Variants in MLXIPL observed in about 807,000 individuals in gnomAD.
MLXIPL encodes the protein MLX interacting protein like.
MLXIPL carries 49 observed loss-of-function variants against 81.5 expected under a neutral mutation model. The observed-to-expected ratio is 0.60, with a 90% CI of 0.48 to 0.76. The LOEUF (loss-of-function observed/expected upper bound fraction) is 0.76. MLXIPL is among the 30% of genes least tolerant of loss of function. The probability of loss-of-function intolerance (pLI) is 0.00; values close to 1 mark genes in which losing one functional copy is unlikely to be tolerated. For missense variants in MLXIPL, 1,053 were observed against 1,167.0 expected (o/e 0.90, Z 1.42); for synonymous variants, 466 against 485.5 (o/e 0.96, Z 0.53).
chr7:73,643,131 T>C, the MLXIPL span, among the ~76,000 whole-genome samples: 11 of 152,198 alleles, frequency 7.2e-5, no homozygotes, highest in Non-Finnish European at 1.5e-4. Context: ...GTGTATTTGC[T>C]ATTGAGTCTC....
chr7:73,599,219 G>A (rs1174404136), intron 8 of MLXIPL, among the ~76,000 whole-genome samples: 4 of 151,534 alleles, frequency 2.6e-5, no homozygotes, highest in Non-Finnish European at 5.9e-5. Context: ...AGTCCCTTCT[G>A]TCCAAAGCTG....
Position 73,597,255 on chromosome 7 carries a change from T to C in MLXIPL, c.1530A>G (p.Leu510=), listed in dbSNP as rs781801078. The C allele has an allele frequency of 6.3e-7, 1 of 1,590,936 alleles. No homozygotes were observed. The highest frequency in any genetic ancestry group is 1.7e-5 in the Admixed American group (1 of 58,060). Residue 510 remains leucine, a synonymous_variant, in exon 9 of 17, where the codon TTA becomes TTG. Coordinates refer to ENST00000313375, the MANE Select transcript of MLXIPL (RefSeq NM_032951.3). ...TGGGGGGACTGGCAGTGGCAGGGGC[T>C]AAGGTAGGGGGGCTGGCTTTCTGTC... is the stretch of plus-strand genomic sequence containing the variant. ...PRGQKASPPT[L]APATASPPTT...
At chr7:73,625,909 G>A (rs1317348356), upstream of MLXIPL, among the ~76,000 whole-genome samples, 1 of 152,176 alleles carries the variant, frequency 6.6e-6, no homozygotes, top group African/African-American at 2.4e-5. Flanking sequence ...CCCCTAGGCA[G>A]GCATCTACCC....
chr7:73,644,862 GCCGGC>G, the MLXIPL span, among the ~76,000 whole-genome samples: 3 of 152,148 alleles, frequency 2.0e-5, no homozygotes, highest in Non-Finnish European at 4.4e-5. Context: ...CTGGCCCCAT[GCCGGC>G]CCCATCAGGG....
At chr7:73,642,215 G>C in the MLXIPL span, among the ~76,000 whole-genome samples, 3 of 152,156 alleles carry the variant, frequency 2.0e-5, no homozygotes, top group East Asian at 3.9e-4. Flanking sequence ...GCATGGGCTA[G>C]AGTATGGGGG....
At chr7:73,633,910 G>A in the MLXIPL span, among the ~76,000 whole-genome samples, 270 of 152,274 alleles carry the variant, frequency 1.8e-3, 3 homozygotes, top group Non-Finnish European at 3.0e-3. Context: ...ATCTAGGTGC[G>A]GGGACGAGGG....
chr7:73,622,703 C>T (rs1374873265), intron 1 of MLXIPL, among the ~76,000 whole-genome samples: 1 of 151,290 alleles, frequency 6.6e-6, no homozygotes, highest in African/African-American at 2.4e-5. Context: ...TCTACCCCAG[C>T]TATCTCTGAC....
the MLXIPL span, among the ~76,000 whole-genome samples, chr7:73,639,051 C>T: frequency 6.6e-6 from 1 of 152,028 alleles, no homozygotes; most frequent in Non-Finnish European, 1.5e-5. Flanking sequence ...GTGCTCTGGG[C>T]TGCAGCCTGT....
the MLXIPL span, among the ~76,000 whole-genome samples, chr7:73,645,614 G>T: frequency 6.6e-6 from 1 of 152,190 alleles, no homozygotes; most frequent in Non-Finnish European, 1.5e-5. Context: ...CTCCCTGAAT[G>T]CAGAGAATGC....
At chr7:73,622,768 G>A (rs1796464318) in intron 1 of MLXIPL, among the ~76,000 whole-genome samples, 1 of 152,002 alleles carries the variant, frequency 6.6e-6, no homozygotes, top group Non-Finnish European at 1.5e-5. Context: ...TTTTGGGGGT[G>A]CGCTCTGTCC....
At chr7:73,624,656 A>G (rs1554603299), upstream of MLXIPL, 3 of 1,302,664 alleles carry the variant, frequency 2.3e-6, no homozygotes, top group Non-Finnish European at 2.0e-6. Flanking sequence ...TCCTTACGCC[A>G]GGTGAGAACC....
At position 73,593,521 on chromosome 7, in the gene MLXIPL, A is replaced by G. The variant is rs1456129871; in HGVS notation, c.*344T>C. On this transcript the variant is annotated 3_prime_UTR_variant, in exon 17 of 17. Coordinates refer to ENST00000313375, the MANE Select transcript of MLXIPL (RefSeq NM_032951.3). ...CCACCGTTGAGCCCCCGGAGTTGCC[A>G]GCCTAGGCCCCCAATGTCACAGCTG... 3.0e-6 allele frequency: 1 copy of G among 335,086 alleles called. No homozygotes were observed. The highest frequency in any genetic ancestry group is 2.1e-5 in the African/African-American group (1 of 47,020). The allele number at this position is 335,086 out of a possible 1,614,324, so 20.8% of individuals were successfully genotyped here.
At chr7:73,630,327 C>T in the MLXIPL span, among the ~76,000 whole-genome samples, 12 of 124,938 alleles carry the variant, frequency 9.6e-5, no homozygotes, top group African/African-American at 3.6e-4. Context: ...CTCACTCACT[C>T]TGTCACCCAG....
Position 73,596,212 on chromosome 7 carries a change from G to A in MLXIPL, c.1999C>T (p.Leu667=), listed in dbSNP as rs1404686137. The A allele has an allele frequency of 6.2e-7, 1 of 1,613,556 alleles. No homozygotes were observed. The highest frequency in any genetic ancestry group is 8.5e-7 in the Non-Finnish European group (1 of 1,179,984). Reference sequence around the variant, plus strand: ...AGCCCATGAAGGGTGTCAAACCCCAGCTTGATGTTGAAGCGCCGCTTCTGC... The same window carrying A: ...AGCCCATGAAGGGTGTCAAACCCCAACTTGATGTTGAAGCGCCGCTTCTGC... ...AEQKRRFNIK[L]GFDTLHGLVS... The change falls in exon 13 of 17, where the codon CTG becomes TTG. Residue 667 remains leucine, a synonymous_variant. Coordinates refer to ENST00000313375, the MANE Select transcript of MLXIPL (RefSeq NM_032951.3). This position sits in a 1 kb window ranked among gnomAD's most constrained non-coding sequence, Gnocchi z 4.7.
chr7:73,605,056 A>G (rs1795171960), intron 7 of MLXIPL, among the ~76,000 whole-genome samples: 1 of 152,062 alleles, frequency 6.6e-6, no homozygotes, highest in South Asian at 2.1e-4. Flanking sequence ...GTGAGCCACC[A>G]TGCCCAGCCT....
At chr7:73,642,333 T>C in the MLXIPL span, among the ~76,000 whole-genome samples, 1 of 151,792 alleles carries the variant, frequency 6.6e-6, no homozygotes, top group African/African-American at 2.4e-5. Context: ...GGGTTTTTAA[T>C]GGAGGTTTCT....
the MLXIPL span, among the ~76,000 whole-genome samples, chr7:73,632,034 G>A: frequency 6.7e-6 from 1 of 150,328 alleles, no homozygotes; most frequent in African/African-American, 2.5e-5. Context: ...CAGTCACCTA[G>A]GTTGCTGGAG....
chr7:73,626,565 G>A (rs1462614583), upstream of MLXIPL, among the ~76,000 whole-genome samples: 1 of 151,980 alleles, frequency 6.6e-6, no homozygotes, highest in Admixed American at 6.6e-5. Context: ...TGCTTCTGAA[G>A]CCTCTTTTCT....
the MLXIPL span, among the ~76,000 whole-genome samples, chr7:73,640,226 G>A: frequency 1.3e-5 from 2 of 151,122 alleles, no homozygotes; most frequent in African/African-American, 2.4e-5. Flanking sequence ...GCAACATGGC[G>A]AAACCCTGTC....
Sources: gnomAD v4.1 joint callset for allele counts (sites outside exome capture counted in the v4.1 genomes callset) on GRCh38, gnomAD v4.1.1 for gene constraint, Gnocchi (gnomAD v3.1) non-coding constraint, MANE v1.5 for transcripts, NCBI Gene and HGNC (gene_info 2026-07-23, HGNC 2026-07-21) for gene names.